ALDH2: variants seen among roughly 807,000 people sequenced by gnomAD.
ALDH2 encodes aldehyde dehydrogenase 2 family member.
A neutral mutation model predicts 59.6 loss-of-function variants in ALDH2; 44 were observed. The ratio of observed to expected loss-of-function variants is 0.74; its 90% confidence interval spans 0.58 to 0.95. The LOEUF is 0.95. Ranked by LOEUF, ALDH2 falls within the 40% of genes least tolerant of loss-of-function variation. The probability of loss-of-function intolerance (pLI) is 0.00; values close to 1 mark genes in which losing one functional copy is unlikely to be tolerated. For missense variants in ALDH2, 570 were observed against 696.3 expected (o/e 0.82, Z 2.04); for synonymous variants, 291 against 284.0 (o/e 1.02, Z -0.25).
intron 1 of ALDH2, among the ~76,000 whole-genome samples, chr12:111,772,905 T>C (rs2068211582): frequency 6.7e-6 from 1 of 149,186 alleles, no homozygotes; most frequent in Admixed American, 6.7e-5. Flanking sequence ...TGCCCTGGCA[T>C]AAGAGTGAGG....
chr12:111,775,256 C>T (rs556394428), intron 1 of ALDH2, among the ~76,000 whole-genome samples: 4 of 152,226 alleles, frequency 2.6e-5, no homozygotes, highest in African/African-American at 7.2e-5. Context: ...CAGGTAGAAT[C>T]GCGAGCCCCC....
intron 1 of ALDH2, among the ~76,000 whole-genome samples, chr12:111,780,829 GTAA>G (rs2068266022): frequency 1.3e-5 from 2 of 152,170 alleles, no homozygotes; most frequent in Non-Finnish European, 2.9e-5. Flanking sequence ...AGTGAGTGAA[GTAA>G]TAATCTAGGG....
chr12:111,774,466 G>A (rs1037376809), intron 1 of ALDH2, among the ~76,000 whole-genome samples: 4 of 152,138 alleles, frequency 2.6e-5, no homozygotes, highest in African/African-American at 7.2e-5. Flanking sequence ...GCAAAACCGC[G>A]CCATTAGCTT....
chr12:111,784,323 A>G (rs1806324637), intron 3 of ALDH2, among the ~76,000 whole-genome samples: 1 of 152,164 alleles, frequency 6.6e-6, no homozygotes, highest in South Asian at 2.1e-4. Flanking sequence ...CAAAAAAAAA[A>G]TGACCCAGCC....
At chr12:111,774,093 C>T (rs1003324003) in intron 1 of ALDH2, among the ~76,000 whole-genome samples, 16 of 152,264 alleles carry the variant, frequency 1.1e-4, no homozygotes, top group Non-Finnish European at 1.6e-4. Context: ...GTTGAAACCG[C>T]GCCTGTCTGG....
intron 9 of ALDH2, among the ~76,000 whole-genome samples, chr12:111,794,912 G>C (rs1319856432): frequency 2.0e-5 from 3 of 152,132 alleles, no homozygotes; most frequent in African/African-American, 7.2e-5. Flanking sequence ...TCACAACTTT[G>C]TGCAACCATC....
At chr12:111,784,062 A>G (rs1476371178) in intron 3 of ALDH2, among the ~76,000 whole-genome samples, 1 of 152,242 alleles carries the variant, frequency 6.6e-6, no homozygotes, top group Non-Finnish European at 1.5e-5. Flanking sequence ...CTCTGCTCTT[A>G]TCCCTGCATG....
chr12:111,769,725 C>T (rs116213591), intron 1 of ALDH2, among the ~76,000 whole-genome samples: 237 of 152,178 alleles, frequency 1.6e-3, no homozygotes, highest in African/African-American at 5.6e-3. Context: ...CTGGTGGCGC[C>T]GTGCTGGAAC....
intron 1 of ALDH2, among the ~76,000 whole-genome samples, chr12:111,772,955 C>T (rs2068211989): frequency 1.4e-5 from 2 of 147,496 alleles, no homozygotes; most frequent in Admixed American, 6.7e-5. Context: ...AAAAAAAAAA[C>T]AAAAAGAAAT....
chr12:111,777,008 G>A (rs1251624509), intron 1 of ALDH2, among the ~76,000 whole-genome samples: 3 of 152,142 alleles, frequency 2.0e-5, no homozygotes, highest in Non-Finnish European at 4.4e-5. Flanking sequence ...TGAAATCAAC[G>A]TGTGTTGAGT....
rs1237252980 is a variant in ALDH2, at chr12:111,816,994, TA to T, written c.*7423del. 3 of 152,184 alleles carry T rather than the reference TA, an allele frequency of 2.0e-5. No homozygotes were observed. Among genetic ancestry groups the T allele is most frequent in the Admixed American group, 1.3e-4 (2 of 15,276 alleles). The allele number at this position is 152,184 out of a possible 1,614,324, so 9.4% of individuals were successfully genotyped here. ...TTGGTTACACAAATATGAGTGTGAT[TA>T]AAATGATGGTGCAATTGCTGTTGCA... is the stretch of plus-strand genomic sequence containing the variant. On this transcript the variant is annotated 3_prime_UTR_variant, in exon 13 of 13. Coordinates refer to ENST00000261733, the MANE Select transcript of ALDH2 (RefSeq NM_000690.4).
chr12:111,798,935 G>A (rs2068426725), intron 10 of ALDH2, among the ~76,000 whole-genome samples: 1 of 151,888 alleles, frequency 6.6e-6, no homozygotes, highest in Non-Finnish European at 1.5e-5. Context: ...CTTGAACCTG[G>A]GAGGCAGAGG....
chr12:111,814,855 A>G lies in ALDH2; in HGVS notation c.*5280A>G, dbSNP rs1439678056. 1 of 151,690 alleles carries G rather than the reference A, an allele frequency of 6.6e-6. No individual in the cohort carries two copies. Among genetic ancestry groups the G allele is most frequent in the South Asian group, 2.1e-4 (1 of 4,792 alleles). The allele number at this position is 151,690 out of a possible 1,614,324, so 9.4% of individuals were successfully genotyped here. On this transcript the variant is annotated 3_prime_UTR_variant, in exon 13 of 13. Coordinates refer to ENST00000261733, the MANE Select transcript of ALDH2 (RefSeq NM_000690.4). ...GTCTCAAAAAAAAAAAAAAAAAAGT[A>G]AATGCTATGTTATGTGAATTTCACC... is the stretch of plus-strand genomic sequence containing the variant.
intron 7 of ALDH2, 77 bp downstream of exon 7, chr12:111,791,496 G>A: frequency 8.8e-7 from 1 of 1,133,222 alleles, no homozygotes. Flanking sequence ...ACATGCTCAA[G>A]GTGAGCTCCC....
At chr12:111,806,989 G>A (rs1467994939) in intron 12 of ALDH2, among the ~76,000 whole-genome samples, 3 of 145,420 alleles carry the variant, frequency 2.1e-5, no homozygotes, top group Admixed American at 6.8e-5. Flanking sequence ...CAAACAGACC[G>A]GGCATGGTGG....
intron 1 of ALDH2, 73 bp from the exon 2 acceptor site, chr12:111,781,845 T>C (rs1230013627): frequency 8.8e-7 from 1 of 1,138,552 alleles, no homozygotes; most frequent in East Asian, 2.4e-5. Context: ...TTGTTTTTTT[T>C]TTTCCTTACA....
intron 10 of ALDH2, among the ~76,000 whole-genome samples, 164 bp downstream of exon 10, chr12:111,798,406 A>G (rs1409983100): frequency 6.6e-6 from 1 of 152,020 alleles, no homozygotes; most frequent in Non-Finnish European, 1.5e-5. Flanking sequence ...TATGTATCTG[A>G]TCTTGTCCCT....
chr12:111,775,719 A>G (rs1020860460), intron 1 of ALDH2: 5 of 454,792 alleles, frequency 1.1e-5, no homozygotes, highest in Non-Finnish European at 1.8e-5. Context: ...TACGTGTGTT[A>G]TGTAAGTCGA....
chr12:111,812,366 C>G lies in ALDH2; in HGVS notation c.*2791C>G. 6.6e-6 allele frequency: 1 copy of G among 152,052 alleles called. No individual in the cohort carries two copies. Among genetic ancestry groups the G allele is most frequent in the East Asian group, 1.9e-4 (1 of 5,200 alleles). 9.4% of individuals were successfully genotyped at this position (152,052 alleles called of 1,614,324 possible). On this transcript the variant is annotated 3_prime_UTR_variant, in exon 13 of 13. Coordinates refer to ENST00000261733, the MANE Select transcript of ALDH2 (RefSeq NM_000690.4). ...TTTTATTATACTGGAACAGCTCGTG[C>G]CCTCGGTCTCTTGCCTCAGCACCTG... is the stretch of plus-strand genomic sequence containing the variant.
Sources: allele counts gnomAD v4.1 joint callset (sites outside exome capture counted in the v4.1 genomes callset), GRCh38; gene constraint gnomAD v4.1.1; transcripts MANE v1.5; gene names NCBI Gene and HGNC (gene_info 2026-07-23, HGNC 2026-07-21).